KIAA1328: variants seen among roughly 807,000 people sequenced by gnomAD.
KIAA1328 encodes protein hinderin.
A neutral mutation model predicts 68.1 loss-of-function variants in KIAA1328; 52 were observed. The observed-to-expected ratio is 0.76, with a 90% CI of 0.61 to 0.96. The LOEUF (loss-of-function observed/expected upper bound fraction) is 0.96. KIAA1328 is among the 40% of genes least tolerant of loss of function. KIAA1328 has a pLI of 0.00. For missense variants in KIAA1328, 641 were observed against 677.6 expected (o/e 0.95, Z 0.60); for synonymous variants, 232 against 239.4 (o/e 0.97, Z 0.28).
chr18:37,037,929 G>T (rs1217411403), intron 6 of KIAA1328, among the ~76,000 whole-genome samples: 1 of 151,890 alleles, frequency 6.6e-6, no homozygotes, highest in Non-Finnish European at 1.5e-5. Flanking sequence ...GTGAAGCCTG[G>T]TCTCTACTAA....
chr18:37,054,658 C>T (rs2055839306), intron 6 of KIAA1328, among the ~76,000 whole-genome samples: 1 of 151,986 alleles, frequency 6.6e-6, no homozygotes, highest in Non-Finnish European at 1.5e-5. Context: ...CTGGGGACTC[C>T]AAAATGGGAG....
intron 5 of KIAA1328, among the ~76,000 whole-genome samples, chr18:36,938,825 A>G (rs1893289843): frequency 6.6e-6 from 1 of 152,212 alleles, no homozygotes; most frequent in Non-Finnish European, 1.5e-5. Flanking sequence ...TCCCAATACC[A>G]TTTATCGAAG....
chr18:37,074,588 C>T (rs1307155718), intron 7 of KIAA1328, among the ~76,000 whole-genome samples: 3 of 152,206 alleles, frequency 2.0e-5, no homozygotes, highest in Non-Finnish European at 4.4e-5. Flanking sequence ...ATCGCATCGG[C>T]TCCTGAGGCT....
intron 6 of KIAA1328, among the ~76,000 whole-genome samples, chr18:36,962,304 C>G (rs1367301860): frequency 6.6e-6 from 1 of 152,132 alleles, no homozygotes; most frequent in African/African-American, 2.4e-5. Context: ...AATACAGAAG[C>G]ACCCAGATTC....
chr18:37,028,599 T>C (rs1017568274), intron 6 of KIAA1328, among the ~76,000 whole-genome samples: 2 of 152,084 alleles, frequency 1.3e-5, no homozygotes, highest in Non-Finnish European at 2.9e-5. Flanking sequence ...CCTTGTCTTG[T>C]TCTGGTTTGC....
rs1363974148 is a variant in KIAA1328, at chr18:37,193,751, GT to G, written c.1523+20674del. On this transcript the variant is annotated intron_variant, in intron 9 of 9. Transcript: ENST00000280020. ...CTTGTGAGAAACAGAAAACTGAATT[GT>G]TTTGAAAATTTTTGCCTTATTTTAA... The G allele has an allele frequency of 2.5e-5, 15 of 611,432 alleles. No homozygotes were observed. In the Admixed American group the frequency reaches 4.3e-4, roughly 18 times the overall value. The allele number at this position is 611,432 out of a possible 1,614,324, so 37.9% of individuals were successfully genotyped here. A position where few individuals can be genotyped will look rare whatever the true frequency, so the allele number is the denominator to read the frequency against.
chr18:36,960,488 G>A (rs1004045465), intron 6 of KIAA1328, among the ~76,000 whole-genome samples: 2 of 152,216 alleles, frequency 1.3e-5, no homozygotes, highest in African/African-American at 2.4e-5. Flanking sequence ...CTCTGAGAAT[G>A]GACAGACTGC....
Position 37,160,372 on chromosome 18 carries a change from C to T in KIAA1328, c.1405C>T (p.Pro469Ser). The change falls in exon 8 of 10, where the codon CCC (proline) becomes TCC (serine). Residue 469 changes from proline to serine, a missense_variant. Physicochemically the swap from Pro to Ser is moderately conservative, Grantham distance 74. Coordinates refer to ENST00000280020, the MANE Select transcript of KIAA1328 (RefSeq NM_020776.3). ...ATGTCAAAAGAAAGATACATGTAGA[C>T]CCCAAAGAGGTAAGTTTAACAACTG... is the stretch of plus-strand genomic sequence containing the variant. ...WSCQKKDTCR[P>S]QRGTVTGVRK... 3 of 1,611,716 alleles carry T rather than the reference C, an allele frequency of 1.9e-6. No individual in the cohort carries two copies. The highest frequency in any genetic ancestry group is 2.5e-6 in the Non-Finnish European group (3 of 1,178,814).
intron 7 of KIAA1328, chr18:37,084,476 GT>G (rs1174581418): frequency 0.063 from 8,205 of 130,152 alleles, 99 homozygotes; most frequent in East Asian, 0.19. Flanking sequence ...TTTGTTTTTT[GT>G]TTTTTTTTTT....
rs537258242 is a variant in KIAA1328 at position 37,223,724 on chromosome 18, A to G, written c.*1497A>G. On this transcript the variant is annotated 3_prime_UTR_variant, in exon 10 of 10. Transcript: ENST00000280020. Reference sequence around the variant, plus strand: ...TAAAACTAGATTATTTCAATCTAGAAAAGCCTTGTTGAGCAGCCTCCTTAT... The same window carrying G: ...TAAAACTAGATTATTTCAATCTAGAGAAGCCTTGTTGAGCAGCCTCCTTAT... The G allele has an allele frequency of 6.8e-5, 67 of 985,426 alleles. No homozygotes were observed. In the African/African-American group the frequency reaches 8.4e-4, roughly 12 times the overall value. The allele number at this position is 985,426 out of a possible 1,614,324, so 61.0% of individuals were successfully genotyped here. A position where few individuals can be genotyped will look rare whatever the true frequency, so the allele number is the denominator to read the frequency against.
chr18:37,075,919 A>G (rs1293854563), intron 7 of KIAA1328, among the ~76,000 whole-genome samples: 2 of 152,194 alleles, frequency 1.3e-5, no homozygotes, highest in Non-Finnish European at 2.9e-5. Context: ...CATTAGACAG[A>G]TCAACGAGAC....
chr18:36,829,251 G>T, intron 1 of KIAA1328, 55 bp downstream of exon 1: 2 of 1,465,600 alleles, frequency 1.4e-6, no homozygotes, highest in Non-Finnish European at 9.0e-7. Flanking sequence ...GACGGCGAGG[G>T]GCGAGCCGTC....
chr18:36,948,766 C>T (rs1399755307), intron 5 of KIAA1328, among the ~76,000 whole-genome samples: 1 of 151,988 alleles, frequency 6.6e-6, no homozygotes, highest in Non-Finnish European at 1.5e-5. Flanking sequence ...TCAGGCTGGT[C>T]TTGAACTTCC....
chr18:37,085,690 G>T (rs1423491722), intron 7 of KIAA1328, among the ~76,000 whole-genome samples: 2 of 152,102 alleles, frequency 1.3e-5, no homozygotes, highest in Non-Finnish European at 2.9e-5. Flanking sequence ...TAGTCATTAA[G>T]TATTGACTTT....
At chr18:36,944,554 A>G (rs7243750) in intron 5 of KIAA1328, among the ~76,000 whole-genome samples, 6,189 of 151,754 alleles carry the variant, frequency 0.041, 437 homozygotes, top group African/African-American at 0.14. Context: ...ATTCCAGCCT[A>G]GGCAACAGAG....
chr18:37,155,608 C>T (rs1205239223), intron 7 of KIAA1328, among the ~76,000 whole-genome samples: 1 of 152,208 alleles, frequency 6.6e-6, no homozygotes, highest in African/African-American at 2.4e-5. Context: ...TTTCTTGAAG[C>T]CCATTCTCTA....
At position 36,952,020 on chromosome 18, in the gene KIAA1328, C is replaced by T. The variant is rs929137476; in HGVS notation, c.449-7288C>T. Among the ~76,000 whole-genome samples, 17 of 152,284 alleles carry T rather than the reference C, an allele frequency of 1.1e-4. No homozygotes were observed. In the East Asian group the frequency reaches 3.3e-3, roughly 29 times the overall value. On this transcript the variant is annotated intron_variant, in intron 5 of 9. Coordinates refer to ENST00000280020, the MANE Select transcript of KIAA1328 (RefSeq NM_020776.3). Reference sequence around the variant, plus strand: ...ATAAAATCTAAACAACTTAGGGTAACATTTGAGATCTAGCCCCTGTTGATC... The same window carrying T: ...ATAAAATCTAAACAACTTAGGGTAATATTTGAGATCTAGCCCCTGTTGATC...
intron 7 of KIAA1328, among the ~76,000 whole-genome samples, chr18:37,094,913 G>T (rs2057362065): frequency 6.6e-6 from 1 of 151,378 alleles, no homozygotes; most frequent in Admixed American, 6.6e-5. Flanking sequence ...AAAGCATACA[G>T]AGGCAGTTAT....
intron 7 of KIAA1328, among the ~76,000 whole-genome samples, chr18:37,141,206 A>G (rs1265979523): frequency 6.6e-6 from 1 of 152,196 alleles, no homozygotes; most frequent in Non-Finnish European, 1.5e-5. Flanking sequence ...AACAGAAAGT[A>G]TTCATCACCC....
Sources: allele counts gnomAD v4.1 joint callset (sites outside exome capture counted in the v4.1 genomes callset), GRCh38; gene constraint gnomAD v4.1.1; transcripts MANE v1.5; gene names NCBI Gene and HGNC (gene_info 2026-07-23, HGNC 2026-07-21).